ARHGAP18: variants seen among roughly 807,000 people sequenced by gnomAD.
ARHGAP18 encodes the protein Rho GTPase activating protein 18.
In ARHGAP18, 67 loss-of-function variants were observed where a neutral mutation model predicts 86.2. The ratio of observed to expected loss-of-function variants is 0.78; its 90% CI spans 0.64 to 0.95. The LOEUF (loss-of-function observed/expected upper bound fraction) is 0.95, where lower values mean the gene tolerates loss of function less well. Among genes scored for constraint, ARHGAP18 ranks in the 40% least tolerant of loss-of-function variants. The probability of loss-of-function intolerance (pLI) is 0.00; values close to 1 mark genes in which losing one functional copy is unlikely to be tolerated. For synonymous variants in ARHGAP18, 283 were observed against 280.4 expected (o/e 1.01, Z -0.09); for missense variants, 691 against 780.4 (o/e 0.89, Z 1.37).
rs370858739 is a variant in ARHGAP18, at chr6:129,605,922, G to T, written c.1320C>A (p.Asn440Lys). The T allele has an allele frequency of 9.9e-6, 16 of 1,613,462 alleles. No homozygotes were observed. The highest frequency in any genetic ancestry group is 5.1e-6 in the Non-Finnish European group (6 of 1,179,612). ...PTKKQQLQAL[N>K]LLVILLPDAN... ...CATCAGGTAGGAGGATGACAAGAAGGTTCAAAGCCTGTAGTTGCTGCTTCT... is the reference window on the plus strand; with the variant it reads ...CATCAGGTAGGAGGATGACAAGAAGTTTCAAAGCCTGTAGTTGCTGCTTCT... The change falls in exon 10 of 15, where the codon AAC becomes AAA. Residue 440 changes from asparagine to lysine, a missense_variant. Asn to Lys is a moderately conservative substitution (Grantham distance 94). Coordinates refer to ENST00000368149, the MANE Select transcript of ARHGAP18 (RefSeq NM_033515.3).
intron 5 of ARHGAP18, among the ~76,000 whole-genome samples, chr6:129,620,784 G>A (rs1287423136): frequency 6.6e-6 from 1 of 152,108 alleles, no homozygotes; most frequent in African/African-American, 2.4e-5. Context: ...TGTAGTCCAG[G>A]GACCATTGGG....
At chr6:129,640,771 TGATTGGGG>T (rs1302834153) in intron 2 of ARHGAP18, among the ~76,000 whole-genome samples, 1 of 152,200 alleles carries the variant, frequency 6.6e-6, no homozygotes, top group African/African-American at 2.4e-5. Context: ...CACAAAGCAC[TGATTGGGG>T]CTCTCACATT....
At chr6:129,696,231 G>C (rs1263358220) in intron 1 of ARHGAP18, among the ~76,000 whole-genome samples, 2 of 152,142 alleles carry the variant, frequency 1.3e-5, no homozygotes, top group African/African-American at 2.4e-5. Context: ...AATATCACTG[G>C]ATGTAAACAA....
At chr6:129,588,193 C>T (rs1788438207) in intron 12 of ARHGAP18, among the ~76,000 whole-genome samples, 1 of 151,032 alleles carries the variant, frequency 6.6e-6, no homozygotes, top group African/African-American at 2.4e-5. Flanking sequence ...TCTCAGCTCA[C>T]TACAACCTCT....
intron 1 of ARHGAP18, among the ~76,000 whole-genome samples, chr6:129,707,692 C>T (rs1241191342): frequency 2.0e-4 from 27 of 135,800 alleles, no homozygotes; most frequent in Admixed American, 7.6e-4. Flanking sequence ...GCTGTGGGGG[C>T]GGGGGTCTTT....
At chr6:129,649,091 A>G (rs1057038876) in intron 1 of ARHGAP18, among the ~76,000 whole-genome samples, 3 of 152,248 alleles carry the variant, frequency 2.0e-5, no homozygotes, top group African/African-American at 7.2e-5. Flanking sequence ...TGCAACCATC[A>G]GAACCCAGAG....
At chr6:129,618,486 T>C (rs1486837825) in intron 6 of ARHGAP18, among the ~76,000 whole-genome samples, 1 of 152,248 alleles carries the variant, frequency 6.6e-6, no homozygotes, top group Non-Finnish European at 1.5e-5. Flanking sequence ...TATGCCTTTA[T>C]TCTCTATAGT....
intron 13 of ARHGAP18, among the ~76,000 whole-genome samples, chr6:129,580,370 A>C (rs1788263584): frequency 6.6e-6 from 1 of 152,248 alleles, no homozygotes; most frequent in Non-Finnish European, 1.5e-5. Context: ...GTAGTAAACC[A>C]GTATCTAAAT....
At chr6:129,634,917 A>C (rs189593282) in intron 3 of ARHGAP18, among the ~76,000 whole-genome samples, 59 of 151,948 alleles carry the variant, frequency 3.9e-4, no homozygotes, top group African/African-American at 1.3e-3. Context: ...AATAAATGTG[A>C]GATAAGTAAC....
At chr6:129,630,495 G>A (rs943036101) in intron 4 of ARHGAP18, among the ~76,000 whole-genome samples, 40 of 152,110 alleles carry the variant, frequency 2.6e-4, no homozygotes, top group African/African-American at 9.4e-4. Context: ...CTTATAACAG[G>A]CTCACATACG....
intron 4 of ARHGAP18, among the ~76,000 whole-genome samples, chr6:129,629,744 G>T (rs1360061656): frequency 1.3e-5 from 2 of 152,048 alleles, no homozygotes; most frequent in African/African-American, 4.8e-5. Flanking sequence ...TAGTTCAATT[G>T]TGCAGTCTTT....
At chr6:129,661,315 A>AC (rs986203401) in intron 1 of ARHGAP18, among the ~76,000 whole-genome samples, 5 of 151,004 alleles carry the variant, frequency 3.3e-5, no homozygotes, top group South Asian at 2.1e-4. Context: ...ATCTTAAAAA[A>AC]AAAAAAAAAA....
intron 1 of ARHGAP18, among the ~76,000 whole-genome samples, chr6:129,702,177 A>G (rs1039712240): frequency 2.6e-5 from 4 of 152,206 alleles, no homozygotes; most frequent in Admixed American, 6.5e-5. Context: ...TTAAGTATGG[A>G]AAAAAACTAC....
chr6:129,581,237 T>C (rs542737606), intron 13 of ARHGAP18, among the ~76,000 whole-genome samples: 1 of 152,264 alleles, frequency 6.6e-6, no homozygotes, highest in Non-Finnish European at 1.5e-5. Flanking sequence ...TCACCACCCA[T>C]GGAATGGCTC....
intron 1 of ARHGAP18, among the ~76,000 whole-genome samples, chr6:129,677,785 T>C (rs1774262039): frequency 6.6e-6 from 1 of 152,242 alleles, no homozygotes; most frequent in African/African-American, 2.4e-5. Flanking sequence ...TCTTTTATTA[T>C]AGCAACACTG....
chr6:129,602,007 C>T (rs950377255), intron 10 of ARHGAP18, among the ~76,000 whole-genome samples: 7 of 152,092 alleles, frequency 4.6e-5, no homozygotes, highest in African/African-American at 1.7e-4. Flanking sequence ...ATGCCACGTA[C>T]ACCCACCCCT....
chr6:129,588,048 G>A (rs887926516), intron 12 of ARHGAP18, among the ~76,000 whole-genome samples: 13 of 152,056 alleles, frequency 8.5e-5, no homozygotes, highest in African/African-American at 3.1e-4. Context: ...CATTCCAAAT[G>A]GGAGAAACTT....
intron 6 of ARHGAP18, among the ~76,000 whole-genome samples, chr6:129,617,100 A>G (rs1483860067): frequency 1.3e-5 from 2 of 152,222 alleles, no homozygotes; most frequent in Admixed American, 1.3e-4. Flanking sequence ...TCTTTAGAAA[A>G]TAGATACTTG....
rs529056865 is a variant in ARHGAP18, at chr6:129,657,348, G to A, written c.114-15330C>T. Among the ~76,000 whole-genome samples, 329 of 150,876 alleles carry A rather than the reference G, an allele frequency of 2.2e-3. 1 individual carries two copies. Among genetic ancestry groups the A allele is most frequent in the Non-Finnish European group, 3.7e-3 (249 of 67,852 alleles). Reference sequence around the variant, plus strand: ...TTTAGTCTCTTCAGTAGTAACTACTGATCAAAGAGAGGTAATTTGCATGTT... The same window carrying A: ...TTTAGTCTCTTCAGTAGTAACTACTAATCAAAGAGAGGTAATTTGCATGTT... On this transcript the variant is annotated intron_variant, in intron 1 of 14. Coordinates refer to ENST00000368149, the MANE Select transcript of ARHGAP18 (RefSeq NM_033515.3).
Sources: gnomAD v4.1 joint callset for allele counts (sites outside exome capture counted in the v4.1 genomes callset) on GRCh38, gnomAD v4.1.1 for gene constraint, MANE v1.5 for transcripts, NCBI Gene and HGNC (gene_info 2026-07-23, HGNC 2026-07-21) for gene names.